SHD: variants seen among roughly 807,000 people sequenced by gnomAD.
SHD encodes Src homology 2 domain containing transforming protein D, also known as SH2 domain-containing adapter protein D.
SHD carries 29 observed loss-of-function variants against 31.2 expected under a neutral mutation model. The ratio of observed to expected loss-of-function variants is 0.93; its 90% CI spans 0.69 to 1.27. The LOEUF (loss-of-function observed/expected upper bound fraction) is 1.27, where lower values mean the gene tolerates loss of function less well. Ranked by LOEUF, SHD falls within the 50% of genes most tolerant of loss-of-function variation. The probability of loss-of-function intolerance (pLI) is 0.00; values close to 1 mark genes in which losing one functional copy is unlikely to be tolerated. For synonymous variants in SHD, 208 were observed against 187.8 expected (o/e 1.11, Z -0.88); for missense variants, 520 against 453.8 (o/e 1.15, Z -1.33).
At chr19:4,289,227 C>A (rs1271053404) in intron 5 of SHD, among the ~76,000 whole-genome samples, 2 of 149,236 alleles carry the variant, frequency 1.3e-5, no homozygotes, top group South Asian at 2.1e-4. Context: ...TCTCCTGCCT[C>A]AGCCTCCCGA....
intron 3 of SHD, among the ~76,000 whole-genome samples, chr19:4,283,683 A>G (rs1329650997): frequency 6.6e-6 from 1 of 151,790 alleles, no homozygotes; most frequent in Admixed American, 6.6e-5. Context: ...GGTTCACGCC[A>G]TTCTCCTGCC....
intron 4 of SHD, 182 bp from the exon 5 acceptor site, chr19:4,288,061 C>A (rs1024929727): frequency 5.4e-6 from 3 of 553,352 alleles, no homozygotes; most frequent in Non-Finnish European, 8.3e-6. Context: ...GCCACCACGC[C>A]CGGCTAATTT....
intron 4 of SHD, 95 bp downstream of exon 4, chr19:4,284,999 G>A (rs930849728): frequency 1.2e-5 from 15 of 1,302,660 alleles, no homozygotes; most frequent in Admixed American, 5.6e-5. Flanking sequence ...CAGATTAGAG[G>A]AACTGGGGGA....
At chr19:4,285,047 C>A in intron 4 of SHD, 143 bp downstream of exon 4, 1 of 1,071,384 alleles carries the variant, frequency 9.3e-7, no homozygotes, top group Non-Finnish European at 1.3e-6. Flanking sequence ...TTCAGCTAAT[C>A]TTTACGGGCT....
Position 4,280,237 on chromosome 19 carries a change from G to C in SHD, c.174G>C (p.Ala58=), listed in dbSNP as rs1971243441. 2 of 1,613,790 alleles carry C rather than the reference G, an allele frequency of 1.2e-6. No individual in the cohort carries two copies. The highest frequency in any genetic ancestry group is 8.5e-7 in the Non-Finnish European group (1 of 1,179,986). Residue 58 remains alanine (A), a synonymous_variant, in exon 1 of 6, where the codon GCG becomes GCC. Transcript: ENST00000543264. ...AGAGCCGCTTGGAGCCGGACCCCGC[G>C]GGCCCTGGGGACTCCAAGAACCCCG... ...DAESRLEPDP[A]GPGDSKNPGD... is the part of the protein sequence containing the mutation.
Position 4,280,297 on chromosome 19 carries a change from C to A in SHD, c.234C>A (p.Leu78=). 6.2e-7 allele frequency: 1 copy of A among 1,610,230 alleles called. No individual in the cohort carries two copies. The highest frequency in any genetic ancestry group is 8.5e-7 in the Non-Finnish European group (1 of 1,178,488). The change falls in exon 1 of 6, where the codon CTC becomes CTA. Residue 78 remains leucine (L), a synonymous_variant. Transcript: ENST00000543264. ...AGTATGGTTCTCCCAAGCACCGGCT[C>A]ATCAAGGTGGAGGCTGCGGATATGG... The part of the protein sequence containing the change: ...DAKYGSPKHR[L]IKVEAADMAR...
At chr19:4,287,656 G>T (rs1971334265) in intron 4 of SHD, among the ~76,000 whole-genome samples, 1 of 151,856 alleles carries the variant, frequency 6.6e-6, no homozygotes, top group Non-Finnish European at 1.5e-5. Flanking sequence ...GTGGTGCTAT[G>T]CGCCTGTAGT....
chr19:4,283,375 A>G (rs1190118239), intron 3 of SHD, 133 bp downstream of exon 3: 8 of 933,744 alleles, frequency 8.6e-6, no homozygotes, highest in South Asian at 1.8e-5. Flanking sequence ...AATTCTCACT[A>G]GAGTGTGAAT....
At chr19:4,288,001 A>G (rs905231316) in intron 4 of SHD, among the ~76,000 whole-genome samples, 5 of 151,858 alleles carry the variant, frequency 3.3e-5, no homozygotes, top group Non-Finnish European at 5.9e-5. Flanking sequence ...TCCCTGGTTC[A>G]AGCAATTTCC....
intron 4 of SHD, among the ~76,000 whole-genome samples, chr19:4,286,257 TTCTC>T (rs879317875): frequency 0.091 from 11,248 of 123,250 alleles, 682 homozygotes; most frequent in Admixed American, 0.11. Context: ...CTTTCTTTCT[TTCTC>T]TCTTTCTTTC....
At chr19:4,282,633 G>A (rs1004412878) in intron 1 of SHD, among the ~76,000 whole-genome samples, 4 of 151,454 alleles carry the variant, frequency 2.6e-5, no homozygotes, top group Middle Eastern at 3.4e-3. Context: ...GGAGAATGAC[G>A]TGAACCCAGG....
At chr19:4,286,670 T>C (rs4807574) in intron 4 of SHD, among the ~76,000 whole-genome samples, 57,261 of 150,856 alleles carry the variant, frequency 0.38, 11,114 homozygotes, top group South Asian at 0.48. Context: ...GAGGCCGGGG[T>C]GGGCAGATCA....
Position 4,288,269 on chromosome 19 carries a change from C to A in SHD, c.743C>A (p.Ala248Glu), listed in dbSNP as rs1013792602. The change falls in exon 5 of 6, where the codon GCG (alanine) becomes GAG (glutamate). Residue 248 changes from alanine (A) to glutamate (E), a missense_variant. Ala to Glu is a moderately radical substitution (Grantham distance 107). Coordinates refer to ENST00000543264, the MANE Select transcript of SHD (RefSeq NM_020209.4). ...QPWFHGPLNR[A>E]DAESLLSLCK... ...TGGTTTCATGGCCCCCTGAACAGGG[C>A]GGATGCAGAGAGCCTCCTGTCCCTC... The A allele has an allele frequency of 4.3e-6, 7 of 1,613,662 alleles. No individual in the cohort carries two copies. Among genetic ancestry groups the A allele is most frequent in the South Asian group, 1.1e-5 (1 of 91,062 alleles).
chr19:4,287,349 A>C (rs1599515689), intron 4 of SHD, among the ~76,000 whole-genome samples: 1 of 151,584 alleles, frequency 6.6e-6, no homozygotes, highest in African/African-American at 2.4e-5. Context: ...AAGAAAGAAA[A>C]AGAAAAAAAC....
chr19:4,287,916 TTG>T (rs1246257018), intron 4 of SHD, among the ~76,000 whole-genome samples: 4 of 149,818 alleles, frequency 2.7e-5, no homozygotes, highest in African/African-American at 1.0e-4. Flanking sequence ...GTTTGTTCGT[TTG>T]TTTTGAGACA....
intron 3 of SHD, 142 bp from the exon 4 acceptor site, chr19:4,284,639 C>G (rs1971289718): frequency 1.9e-6 from 2 of 1,053,652 alleles, no homozygotes; most frequent in African/African-American, 3.3e-5. Context: ...AATCCTGCCC[C>G]TGCCTTAAGC....
chr19:4,287,380 G>T (rs8107226), intron 4 of SHD, among the ~76,000 whole-genome samples: 25,883 of 151,786 alleles, frequency 0.17, 2,320 homozygotes, highest in South Asian at 0.27. Flanking sequence ...AGGTGGGTGA[G>T]GTACAAGATG....
At position 4,282,936 on chromosome 19, in the gene SHD, G is replaced by A. The variant is rs1287359902; in HGVS notation, c.364G>A (p.Gly122Arg). The A allele has an allele frequency of 1.9e-6, 3 of 1,613,990 alleles. No homozygotes were observed. In the Admixed American group the frequency reaches 5.0e-5, roughly 27 times the overall value. ...GCCTCATCCTGCACCCCCGGATGAT[G>A]GGTACATGGAGCCCTACGATGCCCA... ...AQPHPAPPDD[G>R]YMEPYDAQWV... Residue 122 changes from glycine to arginine, a missense_variant, in exon 2 of 6, where the codon GGG becomes AGG. By Grantham distance (125) the Gly-to-Arg change is moderately radical (BLOSUM62 -2). Coordinates refer to ENST00000543264, the MANE Select transcript of SHD (RefSeq NM_020209.4).
chr19:4,284,701 G>A, intron 3 of SHD, 80 bp from the exon 4 acceptor site: 10 of 1,371,110 alleles, frequency 7.3e-6, no homozygotes, highest in Non-Finnish European at 8.6e-6. Flanking sequence ...CCTTTCTACC[G>A]AGATTCCATT....
Sources: allele counts gnomAD v4.1 joint callset (sites outside exome capture counted in the v4.1 genomes callset), GRCh38; gene constraint gnomAD v4.1.1; transcripts MANE v1.5; gene names NCBI Gene and HGNC (gene_info 2026-07-23, HGNC 2026-07-21).